The following MSANTD4 variants were observed in gnomAD, a reference collection of about 807,000 sequenced individuals.
MSANTD4 encodes myb/SANT-like DNA-binding domain-containing protein 4.
MSANTD4 carries 13 observed loss-of-function variants against 34.3 expected under a neutral mutation model. The ratio of observed to expected loss-of-function variants is 0.38; its 90% CI spans 0.25 to 0.60. The LOEUF is 0.60. MSANTD4 is among the 20% of genes least tolerant of loss of function. The probability of loss-of-function intolerance (pLI) is 0.63; values close to 1 mark genes in which losing one functional copy is unlikely to be tolerated. For synonymous variants in MSANTD4, 137 were observed against 145.2 expected (o/e 0.94, Z 0.41); for missense variants, 358 against 401.8 (o/e 0.89, Z 0.93).
intron 1 of MSANTD4, among the ~76,000 whole-genome samples, chr11:106,020,132 T>C (rs1859985031): frequency 6.6e-6 from 1 of 152,152 alleles, no homozygotes. Flanking sequence ...AATAAAGAAA[T>C]ACTAACAAAA....
At chr11:106,011,488 C>T (rs777352744) in intron 1 of MSANTD4, among the ~76,000 whole-genome samples, 25 of 152,288 alleles carry the variant, frequency 1.6e-4, no homozygotes, top group Non-Finnish European at 3.1e-4. Flanking sequence ...CTACTTTATT[C>T]CTCCTCATCC....
In MSANTD4 at chr11:106,008,117, C is replaced by T. The variant is rs1043144; in HGVS notation, c.*1418G>A. On this transcript the variant is annotated 3_prime_UTR_variant, in exon 3 of 3. Transcript: ENST00000301919. ...CAACAGAAGAGCTGTATTAAAGCTA[C>T]GTATCAACCTTGAAAATCAGAAAAC... 90,053 of 152,380 alleles carry T rather than the reference C, an allele frequency of 0.59. 26,807 individuals are homozygous for T. The highest frequency in any genetic ancestry group is 0.64 in the South Asian group (3,095 of 4,810). The allele number at this position is 152,380 out of a possible 1,614,324, so 9.4% of individuals were successfully genotyped here.
chr11:106,016,907 GAACAGAGAGCCAAAGATATAT>G (rs781584151), intron 1 of MSANTD4, among the ~76,000 whole-genome samples: 52 of 152,004 alleles, frequency 3.4e-4, no homozygotes, highest in Admixed American at 2.0e-3. Context: ...TCAAAAAACA[GAACAGAGAGCCAAAGATATAT>G]CACATCCCAC....
At chr11:106,012,824 C>T (rs1156470640) in intron 1 of MSANTD4, among the ~76,000 whole-genome samples, 1 of 152,202 alleles carries the variant, frequency 6.6e-6, no homozygotes. Context: ...ACCTTGAATT[C>T]AAGCCTTACA....
At chr11:106,012,047 G>T (rs768804123) in intron 1 of MSANTD4, among the ~76,000 whole-genome samples, 7 of 149,972 alleles carry the variant, frequency 4.7e-5, no homozygotes, top group Non-Finnish European at 8.9e-5. Context: ...AAATTAAAGG[G>T]GTAACAAAAA....
chr11:106,008,229 G>GAT lies in MSANTD4; in HGVS notation c.*1305_*1306insAT, dbSNP rs1859584035. The GAT allele has an allele frequency of 6.6e-6, 1 of 152,476 alleles. No individual in the cohort carries two copies. Among genetic ancestry groups the GAT allele is most frequent in the African/African-American group, 2.4e-5 (1 of 41,398 alleles). The allele number at this position is 152,476 out of a possible 1,614,324, so 9.4% of individuals were successfully genotyped here. On this transcript the variant is annotated 3_prime_UTR_variant, in exon 3 of 3. Transcript: ENST00000301919. ...GAAAAAGCACCTTCAGAGAGCTGAA[G>GAT]GAAAATCATCAGGTCAAGCAAGCCC...
chr11:106,020,928 T>C (rs1274049611), intron 1 of MSANTD4, 34 bp downstream of exon 1: 1 of 152,204 alleles, frequency 6.6e-6, no homozygotes, highest in African/African-American at 2.4e-5. Context: ...CATTGATGCA[T>C]CTTGAGTTGT....
intron 1 of MSANTD4, among the ~76,000 whole-genome samples, chr11:106,014,795 A>G (rs925115601): frequency 3.3e-5 from 5 of 152,174 alleles, no homozygotes; most frequent in African/African-American, 4.8e-5. Context: ...TTTGTTTCCA[A>G]TCACTCATGT....
Position 106,010,932 on chromosome 11 carries a change from C to A in MSANTD4, c.-15G>T. ...AACTGCTTCATTTTCAATTTCAATG[C>A]AGTTTTTATGGTAAGAGATGTGAAA... On this transcript the variant is annotated 5_prime_UTR_variant, in exon 2 of 3. Coordinates refer to ENST00000301919, the MANE Select transcript of MSANTD4 (RefSeq NM_032424.3). The A allele has an allele frequency of 6.4e-7, 1 of 1,573,096 alleles. No individual in the cohort carries two copies. The highest frequency in any genetic ancestry group is 8.6e-7 in the Non-Finnish European group (1 of 1,161,496).
At chr11:106,014,212 A>T (rs951042563) in intron 1 of MSANTD4, among the ~76,000 whole-genome samples, 1 of 152,250 alleles carries the variant, frequency 6.6e-6, no homozygotes, top group Non-Finnish European at 1.5e-5. Context: ...CAACTAACTT[A>T]TGTAACCTTC....
chr11:106,015,072 C>T (rs1345096763), intron 1 of MSANTD4, among the ~76,000 whole-genome samples: 2 of 152,210 alleles, frequency 1.3e-5, no homozygotes, highest in Admixed American at 1.3e-4. Flanking sequence ...CAATAGCACT[C>T]TTGATACTGC....
intron 1 of MSANTD4, among the ~76,000 whole-genome samples, chr11:106,011,486 T>G (rs1394308879): frequency 6.6e-6 from 1 of 152,230 alleles, no homozygotes. Flanking sequence ...GTCTACTTTA[T>G]TCCTCCTCAT....
chr11:106,018,257 T>C (rs1368922666), intron 1 of MSANTD4, among the ~76,000 whole-genome samples: 3 of 152,248 alleles, frequency 2.0e-5, no homozygotes, highest in Non-Finnish European at 2.9e-5. Flanking sequence ...TCTTTCGCTG[T>C]CATTAGAATA....
In MSANTD4 at chr11:106,010,954, G is replaced by A; in HGVS notation, c.-37C>T. On this transcript the variant is annotated 5_prime_UTR_variant, in exon 2 of 3. Coordinates refer to ENST00000301919, the MANE Select transcript of MSANTD4 (RefSeq NM_032424.3). ...ATGCAGTTTTTATGGTAAGAGATGT[G>A]AAAACAATTTGAGGAATGCTGCAAA... 1 of 1,538,092 alleles carries A rather than the reference G, an allele frequency of 6.5e-7. No homozygotes were observed. The highest frequency in any genetic ancestry group is 8.7e-7 in the Non-Finnish European group (1 of 1,146,698).
Position 106,021,358 on chromosome 11 carries a change from G to A in MSANTD4, c.-547C>T, listed in dbSNP as rs750553752. On this transcript the variant is annotated 5_prime_UTR_variant, in exon 1 of 3. It adds an upstream start codon to the 5' untranslated region. Coordinates refer to ENST00000301919, the MANE Select transcript of MSANTD4 (RefSeq NM_032424.3). ...CAGGAATGAGATGTAGTTCACTTACGTAATCCTTGTGAAGATGATGTACTG... is the reference window on the plus strand; with the variant it reads ...CAGGAATGAGATGTAGTTCACTTACATAATCCTTGTGAAGATGATGTACTG... 5.9e-5 allele frequency: 9 copies of A among 152,136 alleles called. No homozygotes were observed. Among genetic ancestry groups the A allele is most frequent in the Non-Finnish European group, 8.8e-5 (6 of 68,018 alleles). The allele number at this position is 152,136 out of a possible 1,614,324, so 9.4% of individuals were successfully genotyped here.
At position 106,009,814 on chromosome 11, in the gene MSANTD4, C is replaced by T. The variant is rs1859632906; in HGVS notation, c.759G>A (p.Glu253=). Residue 253 remains glutamate (E), a synonymous_variant, in exon 3 of 3, where the codon GAG becomes GAA. Transcript: ENST00000301919. The stretch of plus-strand genomic sequence containing the variant: ...CTCTTTCAATCTGCAGCCGCTCCTT[C>T]TCTAGCTGAAGCCGCTCATGTTCCA... ...LDMEHERLQL[E]KERLQIEREK... 12 of 1,614,210 alleles carry T rather than the reference C, an allele frequency of 7.4e-6. No individual in the cohort carries two copies. In the East Asian group the frequency reaches 2.7e-4, roughly 36 times the overall value.
chr11:106,010,554 T>A lies in MSANTD4; in HGVS notation c.364A>T (p.Asn122Tyr). Residue 122 changes from asparagine (N) to tyrosine (Y), a missense_variant, in exon 2 of 3, where the codon AAT (asparagine) becomes TAT (tyrosine). Physicochemically the swap from Asn to Tyr is moderately radical, Grantham distance 143 (BLOSUM62 -2). Transcript: ENST00000301919. ...TCTGCCACATTTTGCCAGTCAAAAT[T>A]TGCATCATTTCGGAATCCAATCTTT... ...DEKIGFRNDA[N>Y]FDWQNVADFR... 1 of 1,614,176 alleles carries A rather than the reference T, an allele frequency of 6.2e-7. No individual in the cohort carries two copies.
chr11:106,011,161 A>C, intron 1 of MSANTD4, 94 bp from the exon 2 acceptor site: 1 of 546,826 alleles, frequency 1.8e-6, no homozygotes, highest in Non-Finnish European at 3.0e-6. Context: ...AGAAACAAAA[A>C]ACAACCCTCT....
In MSANTD4 at chr11:106,020,622, C is replaced by T. The variant is rs555114025; in HGVS notation, c.-151+340G>A. On this transcript the variant is annotated intron_variant, in intron 1 of 2. Transcript: ENST00000301919. ...TAGAAATAGCAGTCCTTTTGAAGTA[C>T]CACTGAGTCAATATATTTTTAAAGT... 9.9e-5 allele frequency among the ~76,000 whole-genome samples: 15 copies of T among 152,236 alleles called. No homozygotes were observed. In the East Asian group the frequency reaches 2.9e-3, roughly 29 times the overall value.
Sources: gnomAD v4.1 joint callset for allele counts (sites outside exome capture counted in the v4.1 genomes callset) on GRCh38, gnomAD v4.1.1 for gene constraint, MANE v1.5 for transcripts, NCBI Gene and HGNC (gene_info 2026-07-23, HGNC 2026-07-21) for gene names.